Variants in BRINP3 observed in about 807,000 individuals in gnomAD.
BRINP3 encodes the protein BMP/retinoic acid inducible neural specific 3.
BRINP3 carries 19 observed loss-of-function variants against 71.0 expected under a neutral mutation model. The ratio of observed to expected loss-of-function variants is 0.27; its 90% confidence interval spans 0.19 to 0.39. The LOEUF is 0.39. Ranked by LOEUF, BRINP3 falls within the 10% of genes least tolerant of loss-of-function variation. BRINP3 has a pLI of 1.00. For missense variants in BRINP3, 959 were observed against 940.8 expected (o/e 1.02, Z -0.25); for synonymous variants, 380 against 337.7 (o/e 1.13, Z -1.37).
chr1:190,378,052 C>T lies in BRINP3; in HGVS notation c.236+76603G>A, dbSNP rs112566906. ...AAAATTAATATGGAATCTCAGGGGA[C>T]GGAATACTGAAGCAATCTTAAAAGA... is the stretch of plus-strand genomic sequence containing the variant. On this transcript the variant is annotated intron_variant, in intron 2 of 7. Transcript: ENST00000367462. Among the ~76,000 whole-genome samples, 800 of 151,982 alleles carry T rather than the reference C, an allele frequency of 5.3e-3. 8 individuals are homozygous for T. Among genetic ancestry groups the T allele is most frequent in the African/African-American group, 0.018 (744 of 41,462 alleles).
intron 6 of BRINP3, among the ~76,000 whole-genome samples, chr1:190,184,614 G>A (rs1389813278): frequency 6.6e-6 from 1 of 152,070 alleles, no homozygotes; most frequent in Admixed American, 6.6e-5. Flanking sequence ...AATACCCTAA[G>A]CAAATTAACG....
Position 190,098,255 on chromosome 1 carries a change from G to C in BRINP3, c.2064C>G (p.Asp688Glu), listed in dbSNP as rs1306783702. 1 of 1,614,182 alleles carries C rather than the reference G, an allele frequency of 6.2e-7. No homozygotes were observed. Among genetic ancestry groups the C allele is most frequent in the Non-Finnish European group, 8.5e-7 (1 of 1,180,044 alleles). The change falls in exon 8 of 8, where the codon GAC becomes GAG. Residue 688 changes from aspartate to glutamate, a missense_variant. By Grantham distance (45) the Asp-to-Glu change is conservative. Coordinates refer to ENST00000367462, the MANE Select transcript of BRINP3 (RefSeq NM_199051.3). ...CCTGGGATCCCTGAGTATAGGGGTAGTCCAGCTGCAAAATCAGGTCCCGAA... is the reference window on the plus strand; with the variant it reads ...CCTGGGATCCCTGAGTATAGGGGTACTCCAGCTGCAAAATCAGGTCCCGAA... ...EAIRDLILQL[D>E]YPYTQGSQDS...
At chr1:190,256,228 G>A (rs535083278) in intron 4 of BRINP3, among the ~76,000 whole-genome samples, 13 of 152,248 alleles carry the variant, frequency 8.5e-5, no homozygotes, top group African/African-American at 3.1e-4. Flanking sequence ...GTGGTGCTGA[G>A]AAGAATGTAT....
chr1:190,175,719 T>C (rs568804080), intron 6 of BRINP3, among the ~76,000 whole-genome samples: 35 of 152,308 alleles, frequency 2.3e-4, no homozygotes, highest in Non-Finnish European at 3.8e-4. Flanking sequence ...CAAACAGAAA[T>C]CTGTCTCCTA....
chr1:190,359,356 T>C (rs1668977479), intron 2 of BRINP3, among the ~76,000 whole-genome samples: 1 of 152,054 alleles, frequency 6.6e-6, no homozygotes, highest in Admixed American at 6.6e-5. Flanking sequence ...GAAAGACCAA[T>C]GGTGTGATTT....
At chr1:190,417,552 A>G (rs1673087989) in intron 2 of BRINP3, among the ~76,000 whole-genome samples, 1 of 152,154 alleles carries the variant, frequency 6.6e-6, no homozygotes, top group South Asian at 2.1e-4. Context: ...AAAAAATTAA[A>G]TATGTCTTTG....
chr1:190,250,852 G>A (rs941233941), intron 4 of BRINP3, among the ~76,000 whole-genome samples: 2 of 151,914 alleles, frequency 1.3e-5, no homozygotes, highest in African/African-American at 2.4e-5. Context: ...AACTTAGCCT[G>A]TATCTCAGGT....
intron 7 of BRINP3, among the ~76,000 whole-genome samples, chr1:190,133,940 TAAAAC>T (rs1407726623): frequency 2.0e-5 from 3 of 151,948 alleles, no homozygotes; most frequent in Non-Finnish European, 2.9e-5. Context: ...ACCAGACACA[TAAAAC>T]AAAATATAAA....
intron 4 of BRINP3, among the ~76,000 whole-genome samples, chr1:190,239,234 G>A (rs1262354502): frequency 1.3e-5 from 2 of 152,114 alleles, no homozygotes; most frequent in Non-Finnish European, 2.9e-5. Flanking sequence ...ACCATATCAA[G>A]TGGCAATCAG....
chr1:190,332,604 C>G (rs1024258120), intron 2 of BRINP3, among the ~76,000 whole-genome samples: 1 of 152,000 alleles, frequency 6.6e-6, no homozygotes, highest in Non-Finnish European at 1.5e-5. Context: ...CTCAAAACAA[C>G]AGGCTCCTTC....
Position 190,437,480 on chromosome 1 carries a change from T to A in BRINP3, c.236+17175A>T, listed in dbSNP as rs1236475694. Among the ~76,000 whole-genome samples the A allele has an allele frequency of 2.6e-5, 4 of 151,796 alleles. No individual in the cohort carries two copies. In the East Asian group the frequency reaches 7.7e-4, roughly 29 times the overall value. On this transcript the variant is annotated intron_variant, in intron 2 of 7. Transcript: ENST00000367462. ...ATCCAGGGTCCTTATCTAATCCTAATGAAGTCTTACATTGCCCACATTAAT... is the reference window on the plus strand; with the variant it reads ...ATCCAGGGTCCTTATCTAATCCTAAAGAAGTCTTACATTGCCCACATTAAT...
At chr1:190,152,795 T>C (rs1160592394) in intron 7 of BRINP3, among the ~76,000 whole-genome samples, 2 of 152,114 alleles carry the variant, frequency 1.3e-5, no homozygotes. Flanking sequence ...ATTATAGTCG[T>C]ACTCTGCCTA....
At chr1:190,468,003 A>G (rs1157903811) in intron 1 of BRINP3, among the ~76,000 whole-genome samples, 1 of 151,370 alleles carries the variant, frequency 6.6e-6, no homozygotes, top group African/African-American at 2.4e-5. Context: ...TTTTAAAATC[A>G]TCTTGTTTGA....
intron 6 of BRINP3, among the ~76,000 whole-genome samples, chr1:190,175,056 C>T (rs1000634352): frequency 4.6e-5 from 7 of 151,986 alleles, no homozygotes; most frequent in Non-Finnish European, 7.4e-5. Flanking sequence ...CCTGAGAGCC[C>T]GATGCTTTGC....
chr1:190,310,953 T>C (rs1665474321), intron 2 of BRINP3, among the ~76,000 whole-genome samples: 1 of 151,796 alleles, frequency 6.6e-6, no homozygotes, highest in African/African-American at 2.4e-5. Flanking sequence ...TGCTAGTGCA[T>C]GTTACTTAAT....
chr1:190,180,790 T>C (rs573346266), intron 6 of BRINP3, among the ~76,000 whole-genome samples: 1 of 152,198 alleles, frequency 6.6e-6, no homozygotes, highest in Non-Finnish European at 1.5e-5. Flanking sequence ...CGTCATTATT[T>C]GGTGCTAAGC....
chr1:190,101,102 C>T (rs950456972), intron 7 of BRINP3, among the ~76,000 whole-genome samples: 3 of 152,150 alleles, frequency 2.0e-5, no homozygotes, highest in African/African-American at 7.2e-5. Flanking sequence ...TCTTGACTTT[C>T]CAGACTCCAG....
chr1:190,156,847 T>C (rs1656911806), intron 7 of BRINP3, among the ~76,000 whole-genome samples: 1 of 152,090 alleles, frequency 6.6e-6, no homozygotes, highest in Non-Finnish European at 1.5e-5. Flanking sequence ...TATTTTATTC[T>C]ACTTATTTGT....
At chr1:190,305,695 G>T (rs1346143056) in intron 2 of BRINP3, among the ~76,000 whole-genome samples, 1 of 151,540 alleles carries the variant, frequency 6.6e-6, no homozygotes, top group African/African-American at 2.4e-5. Flanking sequence ...AGTTAACAAT[G>T]ATGTTAACAT....
Sources: allele counts gnomAD v4.1 joint callset (sites outside exome capture counted in the v4.1 genomes callset), GRCh38; gene constraint gnomAD v4.1.1; transcripts MANE v1.5; gene names NCBI Gene and HGNC (gene_info 2026-07-23, HGNC 2026-07-21).